The following FLT3 variants were observed in gnomAD, a reference collection of about 807,000 sequenced individuals.
FLT3 encodes the protein fms related receptor tyrosine kinase 3.
Under a neutral mutation model 126.6 loss-of-function variants are expected in FLT3, and 46 were observed. The observed-to-expected ratio is 0.36, with a 90% CI of 0.29 to 0.46. The LOEUF is 0.46. Ranked by LOEUF, FLT3 falls within the 20% of genes least tolerant of loss-of-function variation. The probability of loss-of-function intolerance (pLI) is 1.00; values close to 1 mark genes in which losing one functional copy is unlikely to be tolerated. For missense variants in FLT3, 1,069 were observed against 1,190.3 expected (o/e 0.90, Z 1.50); for synonymous variants, 404 against 434.4 (o/e 0.93, Z 0.87).
chr13:28,049,275 T>C, intron 8 of FLT3, 109 bp downstream of exon 8: 1 of 983,892 alleles, frequency 1.0e-6, no homozygotes. Flanking sequence ...TCTTTCTTAG[T>C]GTTTGATAGT....
At chr13:28,026,180 G>C (rs1872779994) in intron 17 of FLT3, among the ~76,000 whole-genome samples, 1 of 151,820 alleles carries the variant, frequency 6.6e-6, no homozygotes, top group Admixed American at 6.6e-5. Flanking sequence ...GTGAAACCCT[G>C]TCTCCACTAA....
At chr13:28,026,312 T>G (rs1466976890) in intron 17 of FLT3, among the ~76,000 whole-genome samples, 1 of 142,586 alleles carries the variant, frequency 7.0e-6, no homozygotes, top group Non-Finnish European at 1.5e-5. Flanking sequence ...ATCACACCAT[T>G]GCACCACTCC....
At chr13:28,013,138 C>A (rs965767213) in intron 23 of FLT3, among the ~76,000 whole-genome samples, 4 of 152,074 alleles carry the variant, frequency 2.6e-5, no homozygotes, top group Non-Finnish European at 5.9e-5. Context: ...AATTCTCTGA[C>A]AATAACCTAG....
At chr13:28,057,569 G>A in intron 3 of FLT3, 107 bp from the exon 4 acceptor site, 1 of 664,832 alleles carries the variant, frequency 1.5e-6, no homozygotes, top group Non-Finnish European at 2.7e-6. Flanking sequence ...TTCCCCGACT[G>A]GCACGGAAGC....
chr13:28,026,352 G>GA (rs5802460), intron 17 of FLT3, among the ~76,000 whole-genome samples: 3,173 of 78,868 alleles, frequency 0.04, 185 homozygotes, highest in African/African-American at 0.14. Context: ...AACTCTGTCT[G>GA]AAAAAAAAAA....
chr13:28,092,996 G>A (rs1348461976), intron 1 of FLT3, among the ~76,000 whole-genome samples: 3 of 144,240 alleles, frequency 2.1e-5, no homozygotes, highest in African/African-American at 5.2e-5. Flanking sequence ...ATCTCGGCTC[G>A]CTGCAACCTC....
chr13:28,025,362 G>T, intron 17 of FLT3: 1 of 451,542 alleles, frequency 2.2e-6, no homozygotes. Context: ...TCCCGTAAGC[G>T]TTTCACCATC....
At chr13:28,077,561 G>A (rs974638130) in intron 1 of FLT3, among the ~76,000 whole-genome samples, 4 of 152,052 alleles carry the variant, frequency 2.6e-5, no homozygotes, top group African/African-American at 9.7e-5. Context: ...CCCACAACAC[G>A]TGGGAATTCT....
intron 9 of FLT3, among the ~76,000 whole-genome samples, chr13:28,044,449 C>CA (rs34061361): frequency 0.014 from 1,840 of 129,066 alleles, 32 homozygotes; most frequent in African/African-American, 0.048. Context: ...GACTCTGTCT[C>CA]AAAAAAAAAA....
intron 20 of FLT3, among the ~76,000 whole-genome samples, chr13:28,017,731 C>T (rs1872006871): frequency 6.7e-6 from 1 of 148,422 alleles, no homozygotes; most frequent in South Asian, 2.2e-4. Flanking sequence ...GTGGCGCGAT[C>T]TCAGCTCACT....
chr13:28,031,409 G>A (rs550928404), intron 15 of FLT3, among the ~76,000 whole-genome samples: 11 of 152,212 alleles, frequency 7.2e-5, no homozygotes, highest in Admixed American at 4.6e-4. Context: ...ACAGTGCTGA[G>A]GGTTGTGAAA....
chr13:28,061,837 T>G, intron 3 of FLT3, 30 bp downstream of exon 3: 2 of 1,562,274 alleles, frequency 1.3e-6, no homozygotes, highest in Non-Finnish European at 1.8e-6. Context: ...TGAACCACAT[T>G]TTATGTCAAG....
chr13:28,098,452 C>A (rs1381898281), intron 1 of FLT3, among the ~76,000 whole-genome samples: 1 of 151,638 alleles, frequency 6.6e-6, no homozygotes, highest in African/African-American at 2.4e-5. Context: ...CTTCTTTATT[C>A]AAGAAAATCC....
At chr13:28,063,270 G>A (rs1876729149) in intron 2 of FLT3, among the ~76,000 whole-genome samples, 3 of 152,148 alleles carry the variant, frequency 2.0e-5, no homozygotes, top group Non-Finnish European at 4.4e-5. Flanking sequence ...CTTGAGGTCA[G>A]GAGTTCGAGA....
chr13:28,078,642 A>G (rs1406417581), intron 1 of FLT3, among the ~76,000 whole-genome samples: 1 of 152,046 alleles, frequency 6.6e-6, no homozygotes, highest in Non-Finnish European at 1.5e-5. Flanking sequence ...GGGGATTAAC[A>G]TTAGGCTCCT....
At chr13:28,050,468 T>C (rs1418915943) in intron 5 of FLT3, among the ~76,000 whole-genome samples, 1 of 152,170 alleles carries the variant, frequency 6.6e-6, no homozygotes, top group Non-Finnish European at 1.5e-5. Context: ...TTTAAAATTG[T>C]TCATGTTTGG....
intron 23 of FLT3, among the ~76,000 whole-genome samples, chr13:28,006,885 T>G (rs370748186): frequency 1.3e-5 from 2 of 151,980 alleles, no homozygotes; most frequent in East Asian, 3.9e-4. Flanking sequence ...ACTACAGGTG[T>G]GTACCACCAC....
At chr13:28,037,008 TAAAA>T (rs1157621349) in intron 10 of FLT3, among the ~76,000 whole-genome samples, 173 bp downstream of exon 10, 5 of 152,012 alleles carry the variant, frequency 3.3e-5, no homozygotes. Flanking sequence ...ACATAAAAAA[TAAAA>T]AGATATATGA....
Position 28,014,554 on chromosome 13 carries a change from G to T in FLT3, c.2757C>A (p.Tyr919Ter). ...AAGCCCAGCAGGATTGCATTATAAT[G>T]TATCTGTAAAAGCAATAGAACAAGG... ...DQPFYATEEIYIIMQSCWAFD... is the reference protein window; with the variant it reads ...DQPFYATEEI Residue 919 changes from tyrosine to a stop codon, truncating the protein, a stop_gained, in exon 23 of 24, where the codon TAC becomes TAA. Transcript: ENST00000241453. LOFTEE classifies it high-confidence loss of function. 6.2e-7 allele frequency: 1 copy of T among 1,607,414 alleles called. No individual in the cohort carries two copies. Among genetic ancestry groups the T allele is most frequent in the Non-Finnish European group, 8.5e-7 (1 of 1,174,080 alleles).
Sources: gnomAD v4.1 joint callset for allele counts (sites outside exome capture counted in the v4.1 genomes callset) on GRCh38, gnomAD v4.1.1 for gene constraint, MANE v1.5 for transcripts, NCBI Gene and HGNC (gene_info 2026-07-23, HGNC 2026-07-21) for gene names.